The following LNX2 variants were observed in gnomAD, a reference collection of about 807,000 sequenced individuals.
The protein encoded by LNX2 is ligand of Numb protein X 2.
A neutral mutation model predicts 66.2 loss-of-function variants in LNX2; 35 were observed. The observed-to-expected ratio is 0.53, with a 90% CI of 0.40 to 0.70. The LOEUF (loss-of-function observed/expected upper bound fraction) is 0.70. LNX2 is among the 30% of genes least tolerant of loss of function. The probability of loss-of-function intolerance (pLI) is 0.00; values close to 1 mark genes in which losing one functional copy is unlikely to be tolerated. For missense variants in LNX2, 791 were observed against 850.8 expected, an observed-to-expected ratio of 0.93 and a Z score of 0.87; for synonymous variants, 337 against 315.6, an observed-to-expected ratio of 1.07 and a Z score of -0.72.
At chr13:27,616,712 G>A (rs1338910451) in intron 1 of LNX2, among the ~76,000 whole-genome samples, 1 of 152,210 alleles carries the variant, frequency 6.6e-6, no homozygotes, top group Non-Finnish European at 1.5e-5. Flanking sequence ...ACTAACTAGA[G>A]GACAATTTAT....
chr13:27,565,340 A>G (rs544670357), intron 4 of LNX2, among the ~76,000 whole-genome samples: 2 of 152,352 alleles, frequency 1.3e-5, no homozygotes, highest in East Asian at 1.9e-4. Flanking sequence ...GTAGCAAAAA[A>G]TAAGTGTACA....
chr13:27,606,217 G>A (rs1337374345), intron 1 of LNX2, among the ~76,000 whole-genome samples: 4 of 152,072 alleles, frequency 2.6e-5, no homozygotes, highest in Non-Finnish European at 4.4e-5. Flanking sequence ...CAGAATTAGT[G>A]TACCAAATAT....
chr13:27,618,085 T>G (rs1186608426), intron 1 of LNX2, among the ~76,000 whole-genome samples: 1 of 152,218 alleles, frequency 6.6e-6, no homozygotes, highest in Non-Finnish European at 1.5e-5. Context: ...AGAATTAGAA[T>G]TTGACCCGTT....
chr13:27,557,211 T>C lies in LNX2; in HGVS notation c.1369-798A>G, dbSNP rs1179438475. 7.9e-5 allele frequency among the ~76,000 whole-genome samples: 12 copies of C among 152,232 alleles called. 1 individual carries two copies. In the East Asian group the frequency reaches 2.1e-3, roughly 27 times the overall value. On this transcript the variant is annotated intron_variant, in intron 6 of 9. Transcript: ENST00000316334. ...GCTTAGCCTGTGAAAAGCTAATGCC[T>C]TTACATGCATTATTTCATTTAACCT...
chr13:27,576,698 C>G (rs753884199), intron 2 of LNX2, among the ~76,000 whole-genome samples: 1 of 151,258 alleles, frequency 6.6e-6, no homozygotes, highest in Non-Finnish European at 1.5e-5. Flanking sequence ...TCACTCTAGC[C>G]TGGGTGACAG....
intron 4 of LNX2, among the ~76,000 whole-genome samples, chr13:27,565,749 TA>T (rs111816030): frequency 2.2e-3 from 336 of 152,298 alleles, no homozygotes; most frequent in African/African-American, 7.7e-3. Flanking sequence ...CAGCCATGCC[TA>T]GGGGTAATGA....
chr13:27,587,374 C>A (rs1377598208), intron 1 of LNX2, among the ~76,000 whole-genome samples: 3 of 152,284 alleles, frequency 2.0e-5, no homozygotes, highest in African/African-American at 7.2e-5. Context: ...ATCTGCCTCC[C>A]CTCCTCTTTG....
At chr13:27,562,804 G>A (rs767954162) in intron 4 of LNX2, 23 bp from the exon 5 acceptor site, 88 of 1,586,530 alleles carry the variant, frequency 5.5e-5, no homozygotes, top group South Asian at 2.0e-4. Flanking sequence ...AATTGTGACC[G>A]AAGTGTGACA....
intron 1 of LNX2, among the ~76,000 whole-genome samples, chr13:27,609,471 T>A (rs939095307): frequency 5.3e-5 from 8 of 152,200 alleles, no homozygotes; most frequent in Non-Finnish European, 1.0e-4. Context: ...TGATTCTTTT[T>A]GAAGACAAAG....
intron 2 of LNX2, among the ~76,000 whole-genome samples, chr13:27,573,634 C>A (rs1454949462): frequency 2.0e-5 from 3 of 151,972 alleles, no homozygotes; most frequent in African/African-American, 7.3e-5. Context: ...GTGTGGCATG[C>A]CCCACCATGC....
At chr13:27,619,425 A>G (rs940983623) in intron 1 of LNX2, among the ~76,000 whole-genome samples, 1 of 152,242 alleles carries the variant, frequency 6.6e-6, no homozygotes, top group African/African-American at 2.4e-5. Flanking sequence ...TGCAAAAGAA[A>G]TATCAAAACC....
chr13:27,556,129 T>TA, intron 7 of LNX2, 107 bp downstream of exon 7: 1 of 1,132,640 alleles, frequency 8.8e-7, no homozygotes, highest in Non-Finnish European at 1.2e-6. Flanking sequence ...TTAAAGAACT[T>TA]AAAAAAGTCA....
intron 1 of LNX2, among the ~76,000 whole-genome samples, chr13:27,609,215 C>T (rs1003296019): frequency 6.7e-6 from 1 of 149,436 alleles, no homozygotes; most frequent in African/African-American, 2.5e-5. Context: ...TAGAGTGGCA[C>T]GATCTTGGCT....
At chr13:27,599,098 C>G (rs558336226) in intron 1 of LNX2, among the ~76,000 whole-genome samples, 24 of 152,224 alleles carry the variant, frequency 1.6e-4, no homozygotes, top group African/African-American at 5.5e-4. Flanking sequence ...CTTCTGTGTT[C>G]AGATATCAAA....
In LNX2 at chr13:27,560,099, T is replaced by C. The variant is rs992795454; in HGVS notation, c.1225-114A>G. ...TTAATCACTGTACCAGGGCGTCATC[T>C]GGACAGTGACTGCAAGCACCTGGTG... On this transcript the variant is annotated intron_variant, in intron 5 of 9. Transcript: ENST00000316334. 3.4e-6 allele frequency: 3 copies of C among 883,432 alleles called. No individual in the cohort carries two copies. The African/African-American group carries it at 5.2e-5, about 15-fold the overall frequency. 54.7% of individuals were successfully genotyped at this position (883,432 alleles called of 1,614,324 possible).
chr13:27,560,676 A>AT (rs1955124639), intron 5 of LNX2, among the ~76,000 whole-genome samples: 1 of 151,422 alleles, frequency 6.6e-6, no homozygotes, highest in African/African-American at 2.4e-5. Flanking sequence ...CTTGTTAGCT[A>AT]TCATATTTTG....
At chr13:27,613,403 C>T (rs1955793852) in intron 1 of LNX2, among the ~76,000 whole-genome samples, 1 of 152,118 alleles carries the variant, frequency 6.6e-6, no homozygotes, top group African/African-American at 2.4e-5. Flanking sequence ...GGTCCAACTA[C>T]AGGATATGTA....
intron 5 of LNX2, 57 bp downstream of exon 5, chr13:27,562,356 A>C: frequency 6.5e-7 from 1 of 1,528,438 alleles, no homozygotes; most frequent in Non-Finnish European, 8.8e-7. Context: ...GTGAAAACAA[A>C]TACTACTATA....
At chr13:27,574,390 G>A (rs1955320638) in intron 2 of LNX2, among the ~76,000 whole-genome samples, 1 of 152,034 alleles carries the variant, frequency 6.6e-6, no homozygotes, top group Non-Finnish European at 1.5e-5. Context: ...CCAGCCTGGG[G>A]AACAAGAGCA....
Sources: gnomAD v4.1 joint callset for allele counts (sites outside exome capture counted in the v4.1 genomes callset) on GRCh38, gnomAD v4.1.1 for gene constraint, MANE v1.5 for transcripts, NCBI Gene and HGNC (gene_info 2026-07-23, HGNC 2026-07-21) for gene names.